The following CFAP43 variants were observed in gnomAD, a reference collection of about 807,000 sequenced individuals.
CFAP43 encodes cilia- and flagella-associated protein 43.
In CFAP43, 155 loss-of-function variants were observed where a neutral mutation model predicts 218.9. The ratio of observed to expected loss-of-function variants is 0.71; its 90% CI spans 0.62 to 0.81. CFAP43 has a LOEUF of 0.81. Among genes scored for constraint, CFAP43 ranks in the 30% least tolerant of loss-of-function variants. The probability of loss-of-function intolerance (pLI) is 0.00; values close to 1 mark genes in which losing one functional copy is unlikely to be tolerated. For missense variants in CFAP43, 1,778 were observed against 1,954.3 expected, an observed-to-expected ratio of 0.91 and a Z score of 1.70; for synonymous variants, 645 against 681.3, an observed-to-expected ratio of 0.95 and a Z score of 0.83.
At chr10:104,197,749 G>A (rs922999931) in intron 9 of CFAP43, among the ~76,000 whole-genome samples, 173 bp downstream of exon 9, 3 of 152,216 alleles carry the variant, frequency 2.0e-5, no homozygotes, top group African/African-American at 7.2e-5. Context: ...TAGATTTGAA[G>A]ATGGAAGTGT....
chr10:104,135,885 A>T (rs2087416984), intron 34 of CFAP43, among the ~76,000 whole-genome samples: 1 of 152,144 alleles, frequency 6.6e-6, no homozygotes, highest in Non-Finnish European at 1.5e-5. Context: ...GCTGCAAAGG[A>T]TCATGAATAG....
At chr10:104,150,945 C>G (rs1015384351) in intron 28 of CFAP43, among the ~76,000 whole-genome samples, 6 of 152,066 alleles carry the variant, frequency 3.9e-5, no homozygotes, top group Non-Finnish European at 7.4e-5. Context: ...CTCTATGTGC[C>G]CATGTGTTCT....
chr10:104,149,535 G>A (rs1216027298), intron 28 of CFAP43, among the ~76,000 whole-genome samples: 1 of 152,192 alleles, frequency 6.6e-6, no homozygotes, highest in Non-Finnish European at 1.5e-5. Context: ...CTCTGAAAGT[G>A]ACTGATTGGC....
At chr10:104,190,134 T>TG (rs2090164037) in intron 12 of CFAP43, among the ~76,000 whole-genome samples, 1 of 42,068 alleles carries the variant, frequency 2.4e-5, no homozygotes. Context: ...AGACTCCATC[T>TG]CAAAAAAAAA....
chr10:104,193,961 C>A lies in CFAP43; in HGVS notation c.1347G>T (p.Glu449Asp). Residue 449 changes from glutamate to aspartate, a missense_variant, in exon 11 of 38, where the codon GAG (glutamate) becomes GAT (aspartate). Around this residue, in one of 3 missense-constraint regions of CFAP43, gnomAD observed 1,553 missense variants for 1,685.2 expected, o/e 0.92. Transcript: ENST00000357060. Reference sequence around the variant, plus strand: ...CGCTGATGAAGTAGACCGAGCCATCCTCCGTGCCCACGGCTGCAGAGAGGG... The same window carrying A: ...CGCTGATGAAGTAGACCGAGCCATCATCCGTGCCCACGGCTGCAGAGAGGG... ...PSSLSAAVGT[E>D]DGSVYFISVY... 2 of 1,614,066 alleles carry A rather than the reference C, an allele frequency of 1.2e-6. No homozygotes were observed. Among genetic ancestry groups the A allele is most frequent in the Non-Finnish European group, 1.7e-6 (2 of 1,180,028 alleles).
chr10:104,220,533 G>A (rs760827879), intron 3 of CFAP43, among the ~76,000 whole-genome samples: 4 of 151,778 alleles, frequency 2.6e-5, no homozygotes, highest in Admixed American at 6.6e-5. Context: ...AGCCCACTCA[G>A]CAACTCACCA....
At chr10:104,213,480 T>C (rs568540074) in intron 4 of CFAP43, among the ~76,000 whole-genome samples, 1 of 152,174 alleles carries the variant, frequency 6.6e-6, no homozygotes, top group Non-Finnish European at 1.5e-5. Flanking sequence ...GTAACTCCCA[T>C]GGCTCCACTA....
At chr10:104,197,328 G>A (rs549222323) in intron 9 of CFAP43, among the ~76,000 whole-genome samples, 7 of 152,178 alleles carry the variant, frequency 4.6e-5, no homozygotes, top group African/African-American at 1.4e-4. Context: ...CAGAAAAATT[G>A]AGCAGAAAGT....
At chr10:104,210,492 G>A (rs575320476) in intron 5 of CFAP43, among the ~76,000 whole-genome samples, 3 of 152,090 alleles carry the variant, frequency 2.0e-5, no homozygotes, top group Admixed American at 6.5e-5. Flanking sequence ...TCAGCCTCCC[G>A]AGTAGCTGGG....
At chr10:104,194,039 G>C (rs200047433) in intron 10 of CFAP43, 25 bp from the exon 11 acceptor site, 3 of 1,608,962 alleles carry the variant, frequency 1.9e-6, no homozygotes, top group Non-Finnish European at 2.5e-6. Flanking sequence ...CCCCAGATGC[G>C]TATCTCTATT....
chr10:104,185,176 T>C (rs753455393), intron 15 of CFAP43, 30 bp from the exon 16 acceptor site: 1 of 1,611,932 alleles, frequency 6.2e-7, no homozygotes, highest in Non-Finnish European at 8.5e-7. Context: ...ACCAGAAAAA[T>C]TACAAATGCA....
At position 104,232,235 on chromosome 10, in the gene CFAP43, G is replaced by T; in HGVS notation, c.12C>A (p.Gly4=). The T allele has an allele frequency of 6.2e-7, 1 of 1,606,930 alleles. No individual in the cohort carries two copies. Reference sequence around the variant, plus strand: ...AGTGGGGGCCTTCGTCGCGCTCCCGGCCTTGCGCCATGGGCAGTGTTTTCC... The same window carrying T: ...AGTGGGGGCCTTCGTCGCGCTCCCGTCCTTGCGCCATGGGCAGTGTTTTCC... MAQ[G]RERDEGPHSA... Residue 4 remains glycine, a synonymous_variant, in exon 1 of 38, where the codon GGC becomes GGA. Coordinates refer to ENST00000357060, the MANE Select transcript of CFAP43 (RefSeq NM_025145.7).
chr10:104,223,120 C>T (rs886855293), intron 3 of CFAP43, among the ~76,000 whole-genome samples: 1 of 152,196 alleles, frequency 6.6e-6, no homozygotes, highest in African/African-American at 2.4e-5. Flanking sequence ...GCCTATGGGC[C>T]ATCGTTTACC....
intron 5 of CFAP43, among the ~76,000 whole-genome samples, chr10:104,208,818 A>G (rs1256179787): frequency 6.6e-6 from 1 of 152,222 alleles, no homozygotes; most frequent in Non-Finnish European, 1.5e-5. Flanking sequence ...GATGGAAAAT[A>G]GAAATTAGAC....
chr10:104,194,011 T>C lies in CFAP43; in HGVS notation c.1297A>G (p.Thr433Ala), dbSNP rs1402776055. Residue 433 changes from threonine (T) to alanine (A), a missense_variant, in exon 11 of 38, where the codon ACG (threonine) becomes GCG (alanine). Coordinates refer to ENST00000357060, the MANE Select transcript of CFAP43 (RefSeq NM_025145.7). Reference protein sequence around the residue: ...VSKIYLNTLATVLACCPSSLS... With the variant: ...VSKIYLNTLAAVLACCPSSLS... Reference sequence around the variant, plus strand: ...GAGGATGGACAGCAAGCCAGAACCGTTGCCTGTTTAAAATAAACCCCAGAT... The same window carrying C: ...GAGGATGGACAGCAAGCCAGAACCGCTGCCTGTTTAAAATAAACCCCAGAT... 1.2e-6 allele frequency: 2 copies of C among 1,613,032 alleles called. No individual in the cohort carries two copies. The highest frequency in any genetic ancestry group is 8.5e-7 in the Non-Finnish European group (1 of 1,180,012).
Position 104,232,289 on chromosome 10 carries a change from A to C in CFAP43, c.-43T>G. 1 of 1,530,466 alleles carries C rather than the reference A, an allele frequency of 6.5e-7. No individual in the cohort carries two copies. The highest frequency in any genetic ancestry group is 2.4e-5 in the East Asian group (1 of 41,892). The allele number at this position is 1,530,466 out of a possible 1,614,324, so 94.8% of individuals were successfully genotyped here. A position where few individuals can be genotyped will look rare whatever the true frequency, so the allele number is the denominator to read the frequency against. ...GGCGGGAGCAGGCAGCGCACGCAGC[A>C]CCCCAGGGCGGGTCGGTTACCTTTC... On this transcript the variant is annotated 5_prime_UTR_variant, in exon 1 of 38. Coordinates refer to ENST00000357060, the MANE Select transcript of CFAP43 (RefSeq NM_025145.7).
intron 5 of CFAP43, among the ~76,000 whole-genome samples, chr10:104,208,030 C>A (rs1456211034): frequency 2.6e-5 from 4 of 152,082 alleles, no homozygotes; most frequent in African/African-American, 9.7e-5. Context: ...GCCCTCATAG[C>A]CTTAGATAGT....
At chr10:104,222,691 G>A (rs528511268) in intron 3 of CFAP43, among the ~76,000 whole-genome samples, 26 of 152,260 alleles carry the variant, frequency 1.7e-4, no homozygotes, top group Middle Eastern at 6.8e-3. Context: ...GGTTGGGACC[G>A]GGAGGAGATA....
intron 3 of CFAP43, among the ~76,000 whole-genome samples, chr10:104,225,079 C>A (rs2091275428): frequency 6.6e-6 from 1 of 152,110 alleles, no homozygotes; most frequent in African/African-American, 2.4e-5. Context: ...TCTCTAACAA[C>A]AATTACTTTA....
Sources: allele counts gnomAD v4.1 joint callset (sites outside exome capture counted in the v4.1 genomes callset), GRCh38; gene constraint gnomAD v4.1.1; regional missense constraint gnomAD v4.1.1; transcripts MANE v1.5; gene names NCBI Gene and HGNC (gene_info 2026-07-23, HGNC 2026-07-21).